CREBBP: variants seen among roughly 807,000 people sequenced by gnomAD.
CREBBP encodes the protein CREB binding lysine acetyltransferase.
Under a neutral mutation model 265.0 loss-of-function variants are expected in CREBBP, and 19 were observed. That is an observed-to-expected ratio of 0.07 (90% CI 0.05 to 0.11). The LOEUF is 0.11. CREBBP is among the 10% of genes least tolerant of loss of function. The pLI, the probability that CREBBP is intolerant of heterozygous loss-of-function variation, is 1.00. For missense variants in CREBBP, 2,525 were observed against 3,219.0 expected, an observed-to-expected ratio of 0.78 and a Z score of 5.22; for synonymous variants, 1,457 against 1,223.7, an observed-to-expected ratio of 1.19 and a Z score of -3.98.
chr16:3,839,858 A>G (rs1275247189), intron 2 of CREBBP, among the ~76,000 whole-genome samples: 4 of 152,006 alleles, frequency 2.6e-5, no homozygotes, highest in African/African-American at 9.7e-5. Flanking sequence ...AGGAAGAGTG[A>G]GAGAAAGAAA....
At chr16:3,758,765 ATTATT>A (rs1227034115) in intron 17 of CREBBP, 84 bp downstream of exon 17, 7 of 997,480 alleles carry the variant, frequency 7.0e-6, no homozygotes, top group Non-Finnish European at 1.1e-5. Context: ...AGGCAGGGGG[ATTATT>A]TTATCTAATT....
At chr16:3,811,861 C>A (rs529508641) in intron 2 of CREBBP, among the ~76,000 whole-genome samples, 21 of 152,212 alleles carry the variant, frequency 1.4e-4, no homozygotes, top group African/African-American at 4.3e-4. Flanking sequence ...CAGTATATAA[C>A]ACATAAAACA....
chr16:3,799,923 A>G (rs1229364364), intron 3 of CREBBP, among the ~76,000 whole-genome samples: 2 of 152,236 alleles, frequency 1.3e-5, no homozygotes, highest in Non-Finnish European at 2.9e-5. Context: ...TTTTAATACC[A>G]AAAAGCATTC....
intron 5 of CREBBP, among the ~76,000 whole-genome samples, chr16:3,783,586 T>C (rs1596922935): frequency 1.3e-5 from 2 of 152,366 alleles, no homozygotes; most frequent in East Asian, 3.9e-4. Context: ...CAAGAAATAC[T>C]GTACTTGATT....
chr16:3,772,906 C>G (rs975636271), intron 13 of CREBBP, among the ~76,000 whole-genome samples: 13 of 50,772 alleles, frequency 2.6e-4, no homozygotes, highest in Non-Finnish European at 3.5e-4. Context: ...CCCGTCTCTA[C>G]TAAAAATACA....
chr16:3,819,950 C>T lies in CREBBP; in HGVS notation c.799-9171G>A, dbSNP rs543582648. Among the ~76,000 whole-genome samples, 5 of 152,308 alleles carry T rather than the reference C, an allele frequency of 3.3e-5. No homozygotes were observed. The East Asian group carries it at 9.6e-4, about 29-fold the overall frequency. On this transcript the variant is annotated intron_variant, in intron 2 of 30. Transcript: ENST00000262367. ...TCCATTTGATGTGGCTTCAGCCTAA[C>T]CTGACATATTTTTCAAGCTGGAGTT...
chr16:3,787,502 A>C (rs2053413940), intron 5 of CREBBP, among the ~76,000 whole-genome samples: 1 of 152,142 alleles, frequency 6.6e-6, no homozygotes. Flanking sequence ...AAAAGAGGTG[A>C]AAATCTCTGA....
chr16:3,878,396 A>G (rs550801190), intron 1 of CREBBP, among the ~76,000 whole-genome samples: 1 of 152,384 alleles, frequency 6.6e-6, no homozygotes, highest in Admixed American at 6.5e-5. Context: ...AGTGATTTTT[A>G]TATACCATGA....
At chr16:3,750,223 C>T (rs2052443055) in intron 20 of CREBBP, among the ~76,000 whole-genome samples, 1 of 152,034 alleles carries the variant, frequency 6.6e-6, no homozygotes, top group Non-Finnish European at 1.5e-5. Context: ...GGCAACAATC[C>T]AATTATTAAT....
At chr16:3,733,943 G>A (rs1005947981) in intron 28 of CREBBP, among the ~76,000 whole-genome samples, 4 of 152,150 alleles carry the variant, frequency 2.6e-5, no homozygotes, top group African/African-American at 7.2e-5. Flanking sequence ...CGCCCGGCCT[G>A]GAAGTCTATT....
intron 5 of CREBBP, among the ~76,000 whole-genome samples, chr16:3,787,795 G>T (rs192149672): frequency 2.3e-4 from 35 of 152,098 alleles, no homozygotes; most frequent in African/African-American, 8.4e-4. Flanking sequence ...CCCACCTCAG[G>T]ATACCGAGTA....
intron 2 of CREBBP, among the ~76,000 whole-genome samples, chr16:3,849,662 T>C (rs575366498): frequency 4.0e-5 from 6 of 151,222 alleles, no homozygotes; most frequent in African/African-American, 1.5e-4. Flanking sequence ...TGAGTCACTG[T>C]GTCCAGCACC....
chr16:3,853,808 G>C (rs1159583021), intron 1 of CREBBP, among the ~76,000 whole-genome samples: 2 of 151,886 alleles, frequency 1.3e-5, no homozygotes, highest in Non-Finnish European at 2.9e-5. Flanking sequence ...GTGGTGGCAG[G>C]CGCCTGTAAT....
Position 3,796,413 on chromosome 16 carries a change from G to A in CREBBP, c.976-2787C>T, listed in dbSNP as rs574611515. Among the ~76,000 whole-genome samples the A allele has an allele frequency of 2.7e-5, 4 of 147,848 alleles. No homozygotes were observed. The East Asian group carries it at 7.9e-4, about 29-fold the overall frequency. ...TTTTTTTTTTTTTTTTGAGACGGGA[G>A]TCTCACTCTATCGCCTAAGCTGGAG... On this transcript the variant is annotated intron_variant, in intron 3 of 30. Transcript: ENST00000262367.
chr16:3,845,886 CAAAAAAAAAAAAAA>C (rs58655991), intron 2 of CREBBP, among the ~76,000 whole-genome samples: 1 of 73,518 alleles, frequency 1.4e-5, no homozygotes, highest in Non-Finnish European at 2.8e-5. Context: ...GACCCTATCT[CAAAAAAAAAAAAAA>C]AAAAAAAAGT....
intron 14 of CREBBP, among the ~76,000 whole-genome samples, chr16:3,769,726 T>C (rs2052952312): frequency 6.6e-6 from 1 of 152,204 alleles, no homozygotes; most frequent in South Asian, 2.1e-4. Flanking sequence ...CCTAAGCACA[T>C]CTGAAGGGAG....
rs755265819 is a variant in CREBBP, at chr16:3,773,847, AGCGGGCGCCTGG to A, written c.2355_2366del (p.Ala787_Gln790del). ...GGTTCTGTGGCAGAAACTGGCTCTG[AGCGGGCGCCTGG>A]GCCATCATGTTGTTGGTGTGTGCAC... On this transcript the variant is annotated inframe_deletion, in exon 13 of 31. Coordinates refer to ENST00000262367, the MANE Select transcript of CREBBP (RefSeq NM_004380.3). 45 of 1,612,468 alleles carry A rather than the reference AGCGGGCGCCTGG, an allele frequency of 2.8e-5. No homozygotes were observed. In the African/African-American group the frequency reaches 5.6e-4, roughly 20 times the overall value.
At chr16:3,846,964 C>G (rs2054681243) in intron 2 of CREBBP, among the ~76,000 whole-genome samples, 1 of 152,184 alleles carries the variant, frequency 6.6e-6, no homozygotes, top group African/African-American at 2.4e-5. Flanking sequence ...TTTCTAAAAA[C>G]AAACTTTAAA....
intron 1 of CREBBP, among the ~76,000 whole-genome samples, chr16:3,856,541 A>C (rs931748783): frequency 1.8e-4 from 27 of 152,114 alleles, no homozygotes; most frequent in Non-Finnish European, 3.2e-4. Flanking sequence ...GGCTGGTCTC[A>C]AACTCCTGGC....
Sources: allele counts gnomAD v4.1 joint callset (sites outside exome capture counted in the v4.1 genomes callset), GRCh38; gene constraint gnomAD v4.1.1; transcripts MANE v1.5; gene names NCBI Gene and HGNC (gene_info 2026-07-23, HGNC 2026-07-21).